MMP15: variants seen among roughly 807,000 people sequenced by gnomAD.
The protein encoded by MMP15 is matrix metalloproteinase-15.
A neutral mutation model predicts 65.0 loss-of-function variants in MMP15; 36 were observed. The observed-to-expected ratio is 0.55, with a 90% CI of 0.42 to 0.73. The LOEUF (loss-of-function observed/expected upper bound fraction) is 0.73, where lower values mean the gene tolerates loss of function less well. MMP15 is among the 30% of genes least tolerant of loss of function. The pLI is 0.00. For missense variants in MMP15, 870 were observed against 987.8 expected (o/e 0.88, Z 1.60); for synonymous variants, 428 against 410.2 (o/e 1.04, Z -0.52).
In MMP15 at chr16:58,041,682, C is replaced by T. The variant is rs778891660; in HGVS notation, c.976C>T (p.Arg326Trp). ...CACTGTGACGCCACGGCGGCCAGGC[C>T]GGCCTGACCACCGGCCGCCCCGGCC... ...LPTVTPRRPG[R>W]PDHRPPRPPQ... The change falls in exon 6 of 10, where the codon CGG becomes TGG. Residue 326 changes from arginine to tryptophan, a missense_variant. Transcript: ENST00000219271. The T allele has an allele frequency of 2.2e-5, 34 of 1,579,066 alleles. No individual in the cohort carries two copies. The highest frequency in any genetic ancestry group is 1.7e-4 in the Middle Eastern group (1 of 6,026).
intron 1 of MMP15, among the ~76,000 whole-genome samples, chr16:58,027,077 C>T (rs1204994874): frequency 6.6e-6 from 1 of 152,236 alleles, no homozygotes; most frequent in African/African-American, 2.4e-5. Context: ...GCAGCGGACT[C>T]GGGTTGCGGG....
At chr16:58,036,919 A>C (rs573812507) in intron 1 of MMP15, among the ~76,000 whole-genome samples, 1 of 152,348 alleles carries the variant, frequency 6.6e-6, no homozygotes, top group Admixed American at 6.5e-5. Context: ...TGAAATGTAC[A>C]GTGCATCAGA....
chr16:58,041,548 G>GGGGGCCCC, intron 5 of MMP15, 69 bp from the exon 6 acceptor site: 1 of 1,523,106 alleles, frequency 6.6e-7, no homozygotes. Flanking sequence ...GGCCTGTGCT[G>GGGGGCCCC]GGGGCCCCGG....
intron 5 of MMP15, 90 bp from the exon 6 acceptor site, chr16:58,041,527 C>T: frequency 1.4e-6 from 2 of 1,407,128 alleles, no homozygotes; most frequent in Non-Finnish European, 1.9e-6. Context: ...ATTTTACTTT[C>T]CGCGTGGGTG....
Position 58,038,274 on chromosome 16 carries a change from A to C in MMP15, c.320A>C (p.Lys107Thr). ...VLDEETKEWM[K>T]RPRCGVPDQF... ...CTGTGTCCATGTCCCAGGTGGATGA[A>C]GCGGCCCCGCTGTGGGGTGCCAGAC... Residue 107 changes from lysine to threonine, a missense_variant, in exon 3 of 10, where the codon AAG becomes ACG. Lys to Thr is a moderately conservative substitution (Grantham distance 78, BLOSUM62 -1). Transcript: ENST00000219271. 1.2e-6 allele frequency: 2 copies of C among 1,613,888 alleles called. No homozygotes were observed. The highest frequency in any genetic ancestry group is 1.7e-6 in the Non-Finnish European group (2 of 1,180,000).
chr16:58,032,254 T>C (rs1396410661), intron 1 of MMP15, among the ~76,000 whole-genome samples: 2 of 152,210 alleles, frequency 1.3e-5, no homozygotes, highest in African/African-American at 4.8e-5. Flanking sequence ...ATCTTGGCCC[T>C]ATTTTGCAGA....
chr16:58,040,954 G>A (rs1319975125), intron 5 of MMP15: 1 of 578,264 alleles, frequency 1.7e-6, no homozygotes, highest in Non-Finnish European at 3.1e-6. Context: ...GGTTCTTCAT[G>A]ACCCTCCTCT....
At chr16:58,044,033 G>A (rs1217237801) in intron 9 of MMP15, among the ~76,000 whole-genome samples, 1 of 152,124 alleles carries the variant, frequency 6.6e-6, no homozygotes, top group Non-Finnish European at 1.5e-5. Context: ...AGTGTTAGGG[G>A]TGAAAATCCT....
rs1959354886 is a variant in MMP15, at chr16:58,037,488, A to C, written c.179A>C (p.Tyr60Ser). The C allele has an allele frequency of 6.2e-7, 1 of 1,613,096 alleles. No homozygotes were observed. The highest frequency in any genetic ancestry group is 1.3e-5 in the African/African-American group (1 of 74,924). ...EVHAENWLRL[Y>S]GYLPQPSRHM... is the part of the protein sequence containing the mutation. ...TCTTTGCAGAACTGGCTGCGGCTTT[A>C]TGGCTACCTGCCTCAGCCCAGCCGC... The change falls in exon 2 of 10, where the codon TAT becomes TCT. Residue 60 changes from tyrosine to serine, a missense_variant. By Grantham distance (144) the Tyr-to-Ser change is moderately radical. Coordinates refer to ENST00000219271, the MANE Select transcript of MMP15 (RefSeq NM_002428.4).
chr16:58,025,800 G>C lies in MMP15; in HGVS notation c.-551G>C, dbSNP rs1056828736. 6.6e-6 allele frequency: 1 copy of C among 151,774 alleles called. No individual in the cohort carries two copies. Among genetic ancestry groups the C allele is most frequent in the Non-Finnish European group, 1.5e-5 (1 of 67,898 alleles). The allele number at this position is 151,774 out of a possible 1,614,324, so 9.4% of individuals were successfully genotyped here. ...GAGCCGCGCTGAACTCGCCGGGGAC[G>C]TCGGGCGCCCGCTCCTTGGCTGGCT... is the stretch of plus-strand genomic sequence containing the variant. On this transcript the variant is annotated 5_prime_UTR_variant, in exon 1 of 10. Transcript: ENST00000219271.
At chr16:58,035,746 T>A (rs1263513379) in intron 1 of MMP15, among the ~76,000 whole-genome samples, 1 of 152,166 alleles carries the variant, frequency 6.6e-6, no homozygotes, top group Non-Finnish European at 1.5e-5. Flanking sequence ...TCCACCTCAT[T>A]GCTCTGGGGC....
chr16:58,037,653 C>T (rs1416821608), intron 2 of MMP15, 33 bp downstream of exon 2: 3 of 1,613,384 alleles, frequency 1.9e-6, no homozygotes, highest in African/African-American at 2.7e-5. Flanking sequence ...ACCCCACAGG[C>T]ACCTGCCTTC....
At chr16:58,028,909 C>T (rs1226163041) in intron 1 of MMP15, among the ~76,000 whole-genome samples, 11 of 152,376 alleles carry the variant, frequency 7.2e-5, no homozygotes, top group Admixed American at 1.3e-4. Context: ...GTAGCCATTC[C>T]GGGCCAGATC....
chr16:58,030,896 A>T (rs1274945468), intron 1 of MMP15, among the ~76,000 whole-genome samples: 2 of 152,092 alleles, frequency 1.3e-5, no homozygotes, highest in African/African-American at 4.8e-5. Context: ...TATCTGCTTG[A>T]TGGAGTTACG....
intron 1 of MMP15, 43 bp downstream of exon 1, chr16:58,026,555 G>C: frequency 7.8e-7 from 1 of 1,287,186 alleles, no homozygotes; most frequent in Non-Finnish European, 9.8e-7. Flanking sequence ...CTGGGGGCTT[G>C]GAGGGAGAGG....
At chr16:58,038,158 A>G (rs369041399) in intron 2 of MMP15, 108 bp from the exon 3 acceptor site, 3 of 1,451,800 alleles carry the variant, frequency 2.1e-6, no homozygotes, top group East Asian at 2.3e-5. Flanking sequence ...CCACTGTGTC[A>G]TAGGAGGGGC....
rs563564509 is a variant in MMP15 at position 58,034,834 on chromosome 16, C to T, written c.163-2638C>T. Among the ~76,000 whole-genome samples the T allele has an allele frequency of 1.1e-4, 16 of 152,210 alleles. No individual in the cohort carries two copies. In the East Asian group the frequency reaches 3.1e-3, roughly 29 times the overall value. ...CTCCTGGCAGCCCCTGAGCTGGCCCCGGGGTTGAAGGGGCCCCTCTGCCGG... is the reference window on the plus strand; with the variant it reads ...CTCCTGGCAGCCCCTGAGCTGGCCCTGGGGTTGAAGGGGCCCCTCTGCCGG... On this transcript the variant is annotated intron_variant, in intron 1 of 9. Transcript: ENST00000219271.
At chr16:58,036,380 G>A (rs1038213676) in intron 1 of MMP15, among the ~76,000 whole-genome samples, 1 of 152,320 alleles carries the variant, frequency 6.6e-6, no homozygotes, top group East Asian at 1.9e-4. Flanking sequence ...GGTGTGTTGG[G>A]TCTCCCAGGG....
rs1465745749 is a variant in MMP15 at position 58,026,648 on chromosome 16, G to C, written c.162+136G>C. The C allele has an allele frequency of 2.9e-6, 3 of 1,022,656 alleles. No homozygotes were observed. In the African/African-American group the frequency reaches 5.0e-5, roughly 17 times the overall value. 63.3% of individuals were successfully genotyped at this position (1,022,656 alleles called of 1,614,324 possible). On this transcript the variant is annotated intron_variant, in intron 1 of 9. Coordinates refer to ENST00000219271, the MANE Select transcript of MMP15 (RefSeq NM_002428.4). ...CTGGGCCGTGGCGGGGAAGCAAGCG[G>C]ACTTGGCAGTCTGCCCCTCCCCAGC...
Sources: gnomAD v4.1 joint callset for allele counts (sites outside exome capture counted in the v4.1 genomes callset) on GRCh38, gnomAD v4.1.1 for gene constraint, MANE v1.5 for transcripts, NCBI Gene and HGNC (gene_info 2026-07-23, HGNC 2026-07-21) for gene names.